FAM193B: variants seen among roughly 807,000 people sequenced by gnomAD.
FAM193B encodes the protein family with sequence similarity 193 member B, also known as protein FAM193B.
FAM193B carries 27 observed loss-of-function variants against 70.7 expected under a neutral mutation model. The observed-to-expected ratio is 0.38, with a 90% confidence interval of 0.28 to 0.53. The LOEUF (loss-of-function observed/expected upper bound fraction) is 0.53. Ranked by LOEUF, FAM193B falls within the 20% of genes least tolerant of loss-of-function variation. The pLI is 0.81. For missense variants in FAM193B, 1,022 were observed against 1,072.5 expected (o/e 0.95, Z 0.66); for synonymous variants, 448 against 436.0 (o/e 1.03, Z -0.34).
At chr5:177,531,922 C>T in intron 5 of FAM193B, 2 of 1,232,968 alleles carry the variant, frequency 1.6e-6, no homozygotes, top group Non-Finnish European at 2.1e-6. Flanking sequence ...CTCAGCTGCT[C>T]TACCCTAACC....
intron 1 of FAM193B, among the ~76,000 whole-genome samples, chr5:177,540,772 A>G (rs532168354): frequency 6.6e-6 from 1 of 152,294 alleles, no homozygotes; most frequent in African/African-American, 2.4e-5. Context: ...GTGGTTTGTT[A>G]TGCAATGGTA....
In FAM193B at chr5:177,538,168, G is replaced by A. The variant is rs569781801; in HGVS notation, c.454-61C>T. Reference sequence around the variant, plus strand: ...CAGCAAACATCGGAGCTGACCCTCTGCTGCCTCAGCTTTTCCTGAGGGAGC... The same window carrying A: ...CAGCAAACATCGGAGCTGACCCTCTACTGCCTCAGCTTTTCCTGAGGGAGC... On this transcript the variant is annotated intron_variant, in intron 2 of 8. Coordinates refer to ENST00000514747, the MANE Select transcript of FAM193B (RefSeq NM_001190946.3). This position sits in a 1 kb window ranked among gnomAD's most constrained non-coding sequence, Gnocchi z 4.1. The A allele has an allele frequency of 5.5e-6, 8 of 1,460,970 alleles. No homozygotes were observed. The highest frequency in any genetic ancestry group is 7.3e-6 in the Non-Finnish European group (8 of 1,098,210). The allele number at this position is 1,460,970 out of a possible 1,614,324, so 90.5% of individuals were successfully genotyped here.
intron 1 of FAM193B, 198 bp downstream of exon 1, chr5:177,554,051 G>A (rs1766697984): frequency 1.5e-6 from 2 of 1,347,944 alleles, no homozygotes; most frequent in Middle Eastern, 2.2e-4. Context: ...GCAGGAGCGC[G>A]GACCGAGCCT....
At chr5:177,540,082 G>A (rs1398294225) in intron 1 of FAM193B, among the ~76,000 whole-genome samples, 3 of 151,862 alleles carry the variant, frequency 2.0e-5, no homozygotes, top group African/African-American at 7.3e-5. Context: ...CCAGGTGGGC[G>A]GATCACGAGG....
intron 3 of FAM193B, among the ~76,000 whole-genome samples, chr5:177,537,572 C>T (rs1276395922): frequency 6.6e-6 from 1 of 152,242 alleles, no homozygotes; most frequent in Non-Finnish European, 1.5e-5. Flanking sequence ...AGTCCTATGA[C>T]TCCACTTTCT....
intron 1 of FAM193B, among the ~76,000 whole-genome samples, chr5:177,549,429 G>A (rs1415851387): frequency 3.3e-5 from 5 of 151,946 alleles, no homozygotes; most frequent in African/African-American, 9.7e-5. Flanking sequence ...TCCTGACCTC[G>A]TGATCCTCCC....
intron 5 of FAM193B, among the ~76,000 whole-genome samples, chr5:177,529,622 T>A (rs1763149977): frequency 1.3e-5 from 2 of 152,006 alleles, no homozygotes; most frequent in African/African-American, 4.8e-5. Flanking sequence ...AGGATGGCTA[T>A]GAAGGAGGAA....
chr5:177,540,887 T>C (rs1764773517), intron 1 of FAM193B, among the ~76,000 whole-genome samples: 2 of 152,198 alleles, frequency 1.3e-5, no homozygotes, highest in Admixed American at 1.3e-4. Flanking sequence ...AATAAGATAA[T>C]GCCATCATTT....
intron 5 of FAM193B, among the ~76,000 whole-genome samples, chr5:177,526,420 C>G (rs1762607845): frequency 6.6e-6 from 1 of 152,118 alleles, no homozygotes; most frequent in African/African-American, 2.4e-5. Flanking sequence ...GCTGCAGCAG[C>G]ATTTCTAGCT....
At chr5:177,550,827 G>C (rs1561791113) in intron 1 of FAM193B, among the ~76,000 whole-genome samples, 1 of 152,124 alleles carries the variant, frequency 6.6e-6, no homozygotes, top group Non-Finnish European at 1.5e-5. Context: ...CTCTTGTGAA[G>C]TATTATTATT....
chr5:177,539,194 C>G, intron 1 of FAM193B, 47 bp from the exon 2 acceptor site: 1 of 1,494,844 alleles, frequency 6.7e-7, no homozygotes, highest in South Asian at 1.3e-5. Context: ...GAAAGGCTCT[C>G]CTTCAAAATA....
At chr5:177,525,240 G>C in intron 5 of FAM193B, 35 bp from the exon 6 acceptor site, 1 of 1,432,120 alleles carries the variant, frequency 7.0e-7, no homozygotes, top group Middle Eastern at 1.9e-4. Flanking sequence ...GCAGGAGGCT[G>C]TCAACTGCCA....
chr5:177,526,622 A>G (rs1411400631), intron 5 of FAM193B, among the ~76,000 whole-genome samples: 3 of 152,176 alleles, frequency 2.0e-5, no homozygotes, highest in African/African-American at 7.2e-5. Context: ...GCACAGAAAC[A>G]CACACTTTCT....
At chr5:177,531,895 CTTTCA>C (rs1763521506) in intron 5 of FAM193B, 2 of 1,189,730 alleles carry the variant, frequency 1.7e-6, no homozygotes, top group African/African-American at 3.2e-5. Context: ...AATTTAATTA[CTTTCA>C]TTTCTTCTAT....
At position 177,538,802 on chromosome 5, in the gene FAM193B, C is replaced by A; in HGVS notation, c.453+103G>T. The A allele has an allele frequency of 1.4e-6, 2 of 1,481,170 alleles. No homozygotes were observed. Among genetic ancestry groups the A allele is most frequent in the Non-Finnish European group, 1.8e-6 (2 of 1,085,470 alleles). The allele number at this position is 1,481,170 out of a possible 1,614,324, so 91.8% of individuals were successfully genotyped here. A position where few individuals can be genotyped will look rare whatever the true frequency, so the allele number is the denominator to read the frequency against. On this transcript the variant is annotated intron_variant, in intron 2 of 8. Coordinates refer to ENST00000514747, the MANE Select transcript of FAM193B (RefSeq NM_001190946.3). This position sits in a 1 kb window ranked among gnomAD's most constrained non-coding sequence, Gnocchi z 4.1. ...GCCCAGAAGTCTCTCAGTGCCTGGG[C>A]ATGGGAGCTGCCCAAGGAGAGCCAC...
intron 1 of FAM193B, 117 bp downstream of exon 1, chr5:177,554,132 G>A: frequency 1.4e-6 from 2 of 1,422,458 alleles, no homozygotes; most frequent in Non-Finnish European, 1.8e-6. Flanking sequence ...GGACCCGGGG[G>A]AAGGCTGCTA....
chr5:177,536,502 T>C lies in FAM193B; in HGVS notation c.932A>G (p.His311Arg), dbSNP rs776616348. ...PHTPGPCQSSHLPSTSMPLLK... is the reference protein window; with the variant it reads ...PHTPGPCQSSRLPSTSMPLLK... Reference sequence around the variant, plus strand: ...GAGCGGCATGCTGGTGGAGGGTAGATGGGAGCTCTGACATGGCCCTGGAGT... The same window carrying C: ...GAGCGGCATGCTGGTGGAGGGTAGACGGGAGCTCTGACATGGCCCTGGAGT... Residue 311 changes from histidine to arginine, a missense_variant, in exon 4 of 9, where the codon CAT becomes CGT. Transcript: ENST00000514747. The C allele has an allele frequency of 1.7e-5, 26 of 1,561,238 alleles. No individual in the cohort carries two copies. In the Admixed American group the frequency reaches 4.6e-4, roughly 28 times the overall value.
chr5:177,553,260 T>A, intron 1 of FAM193B: 1 of 986,498 alleles, frequency 1.0e-6, no homozygotes, highest in Non-Finnish European at 1.2e-6. Flanking sequence ...CCCGATGCAG[T>A]GTCTGCAGAG....
intron 1 of FAM193B, among the ~76,000 whole-genome samples, chr5:177,541,366 G>T (rs1188356398): frequency 6.6e-6 from 1 of 152,050 alleles, no homozygotes; most frequent in Non-Finnish European, 1.5e-5. Context: ...TGCATGCTAG[G>T]TTCGAAAGTC....
Sources: gnomAD v4.1 joint callset for allele counts (sites outside exome capture counted in the v4.1 genomes callset) on GRCh38, gnomAD v4.1.1 for gene constraint, Gnocchi (gnomAD v3.1) non-coding constraint, MANE v1.5 for transcripts, NCBI Gene and HGNC (gene_info 2026-07-23, HGNC 2026-07-21) for gene names.